The following NUB1 variants were observed in gnomAD, a reference collection of about 807,000 sequenced individuals.
The protein encoded by NUB1 is NEDD8 ultimate buster 1.
Under a neutral mutation model 77.1 loss-of-function variants are expected in NUB1, and 41 were observed. That is an observed-to-expected ratio of 0.53 (90% CI 0.41 to 0.69). The LOEUF is 0.69. Ranked by LOEUF, NUB1 falls within the 30% of genes least tolerant of loss-of-function variation. The pLI, the probability that NUB1 is intolerant of heterozygous loss-of-function variation, is 0.00. For synonymous variants in NUB1, 257 were observed against 281.0 expected, an observed-to-expected ratio of 0.91 and a Z score of 0.85; for missense variants, 643 against 743.8, an observed-to-expected ratio of 0.86 and a Z score of 1.58.
At chr7:151,374,273 G>A (rs1401955380) in intron 12 of NUB1, 30 bp downstream of exon 12, 14 of 1,550,154 alleles carry the variant, frequency 9.0e-6, no homozygotes, top group Non-Finnish European at 1.2e-5. Flanking sequence ...CTCTGGCCTT[G>A]TCCCTGAGCA....
rs370626130 is a variant in NUB1, at chr7:151,374,186, G to A, written c.1338G>A (p.Thr446=). The change falls in exon 12 of 15, where the codon ACG becomes ACA. Residue 446 remains threonine (T), a synonymous_variant. Transcript: ENST00000568733. ...TTCTGAAAGGGATGGGCTACTCCAC[G>A]CACGCGGCCCAGCAGGTACTCCACG... ...IRFLKGMGYS[T]HAAQQVLHAA... is the part of the protein sequence containing the mutation. 35 of 1,573,960 alleles carry A rather than the reference G, an allele frequency of 2.2e-5. No individual in the cohort carries two copies. Among genetic ancestry groups the A allele is most frequent in the African/African-American group, 5.4e-5 (4 of 73,834 alleles).
At chr7:151,351,935 A>ACACACACC (rs1327435147) in intron 4 of NUB1, among the ~76,000 whole-genome samples, 7 of 151,456 alleles carry the variant, frequency 4.6e-5, no homozygotes, top group Non-Finnish European at 2.9e-5. Flanking sequence ...ACACACACAC[A>ACACACACC]CGTTTGCCAC....
chr7:151,369,529 GTATTA>G (rs1222132966), intron 11 of NUB1, among the ~76,000 whole-genome samples: 8 of 152,294 alleles, frequency 5.3e-5, no homozygotes, highest in African/African-American at 1.9e-4. Context: ...GAAACAAGTT[GTATTA>G]TATTATGAAA....
rs529065371 is a variant in NUB1 at position 151,377,198 on chromosome 7, T to C, written c.1821T>C (p.Asn607=). 6 of 1,561,488 alleles carry C rather than the reference T, an allele frequency of 3.8e-6. No individual in the cohort carries two copies. Among genetic ancestry groups the C allele is most frequent in the Middle Eastern group, 1.7e-4 (1 of 5,910 alleles). The part of the protein sequence containing the change: ...IIAEYLSYVE[N]RKSATKKN ...CAGAGTACCTATCCTATGTAGAAAA[T>C]AGGAAGTCAGCAACAAAGAAAAACT... is the stretch of plus-strand genomic sequence containing the variant. The change falls in exon 15 of 15, where the codon AAT becomes AAC. Residue 607 remains asparagine, a synonymous_variant. Coordinates refer to ENST00000568733, the MANE Select transcript of NUB1 (RefSeq NM_001243351.2).
chr7:151,359,387 G>C (rs1335967196), intron 7 of NUB1, among the ~76,000 whole-genome samples: 1 of 150,996 alleles, frequency 6.6e-6, no homozygotes, highest in African/African-American at 2.4e-5. Context: ...AGCTTGCAGT[G>C]AGTCGAGATC....
At chr7:151,363,309 T>C (rs1191914347) in intron 8 of NUB1, among the ~76,000 whole-genome samples, 2 of 152,036 alleles carry the variant, frequency 1.3e-5, no homozygotes, top group Non-Finnish European at 2.9e-5. Context: ...AGACCCACAT[T>C]AGAATGTAAG....
At chr7:151,362,476 G>A (rs1445969796) in intron 8 of NUB1, among the ~76,000 whole-genome samples, 2 of 152,132 alleles carry the variant, frequency 1.3e-5, no homozygotes, top group Middle Eastern at 3.2e-3. Context: ...CCTACCATAT[G>A]TCTTGGAGTA....
intron 4 of NUB1, 87 bp from the exon 5 acceptor site, chr7:151,352,725 G>T: frequency 1.2e-6 from 1 of 819,572 alleles, no homozygotes; most frequent in South Asian, 1.5e-5. Flanking sequence ...TTACAGGCGT[G>T]AGCCACCGGG....
intron 7 of NUB1, among the ~76,000 whole-genome samples, chr7:151,358,455 G>C (rs1346832098): frequency 1.3e-5 from 2 of 152,204 alleles, no homozygotes; most frequent in Non-Finnish European, 2.9e-5. Context: ...GCAAGTGAGC[G>C]TCACCGCCTG....
intron 2 of NUB1, among the ~76,000 whole-genome samples, chr7:151,347,240 A>G (rs907599720): frequency 2.6e-5 from 4 of 152,130 alleles, no homozygotes; most frequent in Non-Finnish European, 5.9e-5. Flanking sequence ...CTACGTAACT[A>G]TTAAAAAAAT....
intron 11 of NUB1, among the ~76,000 whole-genome samples, chr7:151,371,031 T>G (rs954720511): frequency 2.0e-5 from 3 of 152,114 alleles, no homozygotes; most frequent in African/African-American, 7.2e-5. Context: ...TCAGAGGTGG[T>G]CTTTTAAAGT....
At position 151,342,001 on chromosome 7, in the gene NUB1, G is replaced by A. The variant is rs1014469636; in HGVS notation, c.-3+155G>A. On this transcript the variant is annotated intron_variant, in intron 1 of 14. Transcript: ENST00000568733. Reference sequence around the variant, plus strand: ...ATGCGTGGAGCTGGGCCGGGGCCGGGGCCGGGGCCGGGAGCGGTGGGCCGG... The same window carrying A: ...ATGCGTGGAGCTGGGCCGGGGCCGGAGCCGGGGCCGGGAGCGGTGGGCCGG... 5 of 1,266,144 alleles carry A rather than the reference G, an allele frequency of 3.9e-6. No individual in the cohort carries two copies. The African/African-American group carries it at 7.8e-5, about 20-fold the overall frequency. 78.4% of individuals were successfully genotyped at this position (1,266,144 alleles called of 1,614,324 possible).
chr7:151,348,938 C>T (rs1584937320), intron 2 of NUB1, 135 bp from the exon 3 acceptor site: 1 of 710,494 alleles, frequency 1.4e-6, no homozygotes, highest in Non-Finnish European at 2.4e-6. Context: ...GATGTCAAAC[C>T]ACAGTGTGGA....
chr7:151,376,312 A>G lies in NUB1; in HGVS notation c.1492-322A>G, dbSNP rs114247250. On this transcript the variant is annotated intron_variant, in intron 13 of 14. Transcript: ENST00000568733. Reference sequence around the variant, plus strand: ...CGGCTCTGTCCACATTTGTGCCCCTACACGCGTTAGCACGCCTGTATGCTG... The same window carrying G: ...CGGCTCTGTCCACATTTGTGCCCCTGCACGCGTTAGCACGCCTGTATGCTG... 5.7e-3 allele frequency: 2,702 copies of G among 477,632 alleles called. 65 individuals are homozygous for G. The highest frequency in any genetic ancestry group is 0.048 in the African/African-American group (2,466 of 51,658). The allele number at this position is 477,632 out of a possible 1,614,324, so 29.6% of individuals were successfully genotyped here. A position where few individuals can be genotyped will look rare whatever the true frequency, so the allele number is the denominator to read the frequency against.
At chr7:151,347,028 G>A (rs1796532489) in intron 2 of NUB1, among the ~76,000 whole-genome samples, 1 of 152,146 alleles carries the variant, frequency 6.6e-6, no homozygotes, top group African/African-American at 2.4e-5. Context: ...CTTCCAGTTG[G>A]TGTCAGAATT....
chr7:151,355,932 G>A lies in NUB1; in HGVS notation c.580G>A (p.Glu194Lys). ...AATTCAGAGGACCAAGAGAGGACTA[G>A]AAATACTGGCAAAGAGAGGTACCCA... Reference protein sequence around the residue: ...KQIQRTKRGLEILAKRAAETV... With the variant: ...KQIQRTKRGLKILAKRAAETV... The change falls in exon 6 of 15, where the codon GAA becomes AAA. Residue 194 changes from glutamate to lysine, a missense_variant. Glu to Lys is a moderately conservative substitution (Grantham distance 56). Coordinates refer to ENST00000568733, the MANE Select transcript of NUB1 (RefSeq NM_001243351.2). 1.9e-6 allele frequency: 3 copies of A among 1,613,882 alleles called. No individual in the cohort carries two copies. The highest frequency in any genetic ancestry group is 2.5e-6 in the Non-Finnish European group (3 of 1,179,850).
At chr7:151,341,925 G>C in intron 1 of NUB1, 79 bp downstream of exon 1, 1 of 1,407,942 alleles carries the variant, frequency 7.1e-7, no homozygotes, top group Non-Finnish European at 9.2e-7. Context: ...GTCCGACTGG[G>C]CACCTCTCCT....
At chr7:151,351,885 A>T (rs1051081614) in intron 4 of NUB1, among the ~76,000 whole-genome samples, 3 of 147,086 alleles carry the variant, frequency 2.0e-5, no homozygotes, top group African/African-American at 5.1e-5. Context: ...ACGGTGTTTT[A>T]TCTGATTTCA....
At chr7:151,352,147 C>T (rs1197263599) in intron 4 of NUB1, 1 of 456,642 alleles carries the variant, frequency 2.2e-6, no homozygotes, top group Non-Finnish European at 4.4e-6. Context: ...GTAGAAGACC[C>T]TGTGGATCAG....
Sources: gnomAD v4.1 joint callset for allele counts (sites outside exome capture counted in the v4.1 genomes callset) on GRCh38, gnomAD v4.1.1 for gene constraint, MANE v1.5 for transcripts, NCBI Gene and HGNC (gene_info 2026-07-23, HGNC 2026-07-21) for gene names.